MAU2: variants seen among roughly 807,000 people sequenced by gnomAD.
The protein encoded by MAU2 is MAU2 sister chromatid cohesion factor, also known as MAU2 chromatid cohesion factor homolog.
A neutral mutation model predicts 89.1 loss-of-function variants in MAU2; 9 were observed. The observed-to-expected ratio is 0.10, with a 90% CI of 0.06 to 0.18. The LOEUF is 0.18. MAU2 is among the 10% of genes least tolerant of loss of function. MAU2 has a pLI of 1.00. For synonymous variants in MAU2, 357 were observed against 343.4 expected, an observed-to-expected ratio of 1.04 and a Z score of -0.44; for missense variants, 425 against 803.5, an observed-to-expected ratio of 0.53 and a Z score of 5.69.
chr19:19,326,222 C>T (rs1391256010), intron 1 of MAU2, among the ~76,000 whole-genome samples: 1 of 152,020 alleles, frequency 6.6e-6, no homozygotes, highest in African/African-American at 2.4e-5. Context: ...TCGTCTACTT[C>T]ATCAAGTCAA....
At chr19:19,354,589 T>C in intron 17 of MAU2, 144 bp downstream of exon 17, 2 of 696,396 alleles carry the variant, frequency 2.9e-6, no homozygotes, top group Non-Finnish European at 5.0e-6. Context: ...TAGGGGGTGC[T>C]CCTCAGGAGA....
At position 19,320,894 on chromosome 19, in the gene MAU2, CGGCGGCCCAGGCTGCGCAGGCCGA is replaced by C; in HGVS notation, c.43_66del (p.Gln15_Ala22del). 6.7e-7 allele frequency: 1 copy of C among 1,496,720 alleles called. No individual in the cohort carries two copies. The allele number at this position is 1,496,720 out of a possible 1,614,324, so 92.7% of individuals were successfully genotyped here. A position where few individuals can be genotyped will look rare whatever the true frequency, so the allele number is the denominator to read the frequency against. ...CAGGCGGCGGCAGCGGCCCAGGCGGCGGCGGCCCAGGCTGCGCAGGCCGAGGCGGCCGACTCGTGGTACCTGGCG... is the reference window on the plus strand; with the variant it reads ...CAGGCGGCGGCAGCGGCCCAGGCGGCGGCGGCCGACTCGTGGTACCTGGCG... On this transcript the variant is annotated inframe_deletion, in exon 1 of 19. Transcript: ENST00000262815.
At chr19:19,330,055 C>T (rs67720221) in intron 1 of MAU2, among the ~76,000 whole-genome samples, 87,280 of 151,460 alleles carry the variant, frequency 0.58, 26,529 homozygotes, top group East Asian at 0.7. Flanking sequence ...TCTTAGCTCC[C>T]TGCCACTTCT....
intron 1 of MAU2, among the ~76,000 whole-genome samples, chr19:19,332,195 C>T (rs918497136): frequency 3.9e-5 from 6 of 152,144 alleles, no homozygotes; most frequent in Non-Finnish European, 8.8e-5. Context: ...GGGTCTTGCC[C>T]TGTTGCCCAG....
intron 6 of MAU2, among the ~76,000 whole-genome samples, 172 bp from the exon 7 acceptor site, chr19:19,341,080 T>C (rs1041782938): frequency 1.3e-5 from 2 of 152,196 alleles, no homozygotes; most frequent in African/African-American, 4.8e-5. Flanking sequence ...ATGGGATTCA[T>C]GCTGAGGCAA....
chr19:19,332,234 C>T lies in MAU2; in HGVS notation c.277-3484C>T, dbSNP rs766417282. ...GGAGTGCAACAGCACAATCATAGCT[C>T]ACTGCAGCCCCAAACTCCTGGGCTC... On this transcript the variant is annotated intron_variant, in intron 1 of 18. Coordinates refer to ENST00000262815, the MANE Select transcript of MAU2 (RefSeq NM_015329.4). Among the ~76,000 whole-genome samples the T allele has an allele frequency of 1.8e-4, 27 of 151,726 alleles. 1 individual carries two copies. Among genetic ancestry groups the T allele is most frequent in the Admixed American group, 5.9e-4 (9 of 15,226 alleles).
At chr19:19,325,086 C>A (rs904193996) in intron 1 of MAU2, among the ~76,000 whole-genome samples, 1 of 152,108 alleles carries the variant, frequency 6.6e-6, no homozygotes, top group Non-Finnish European at 1.5e-5. Context: ...GAGAGCCAAC[C>A]CAGTGTAACA....
chr19:19,334,459 C>T (rs2061580522), intron 1 of MAU2: 1 of 985,644 alleles, frequency 1.0e-6, no homozygotes, highest in Non-Finnish European at 1.2e-6. Flanking sequence ...ACATTCCCAG[C>T]TGCTGCTCAC....
At chr19:19,338,700 A>C (rs1201745285) in intron 4 of MAU2, 145 bp from the exon 5 acceptor site, 1 of 609,416 alleles carries the variant, frequency 1.6e-6, no homozygotes, top group Non-Finnish European at 3.0e-6. Flanking sequence ...TTGATAAGAT[A>C]ATTTGGTTAA....
At chr19:19,334,079 G>A (rs932695020) in intron 1 of MAU2, 3 of 753,544 alleles carry the variant, frequency 4.0e-6, no homozygotes, top group Admixed American at 6.3e-5. Context: ...TGTTAGACCC[G>A]GCTTCTCAGT....
At chr19:19,341,231 C>G in intron 6 of MAU2, 21 bp from the exon 7 acceptor site, 1 of 1,606,412 alleles carries the variant, frequency 6.2e-7, no homozygotes, top group African/African-American at 1.3e-5. Flanking sequence ...GTACCCTACA[C>G]CTGCGCCTCT....
intron 1 of MAU2, among the ~76,000 whole-genome samples, chr19:19,332,426 T>A (rs2061563487): frequency 6.6e-6 from 1 of 151,622 alleles, no homozygotes; most frequent in Non-Finnish European, 1.5e-5. Context: ...GTCCTCTGTT[T>A]GTATGTATTT....
chr19:19,338,686 A>C (rs538111144), intron 4 of MAU2, among the ~76,000 whole-genome samples, 159 bp from the exon 5 acceptor site: 2 of 152,262 alleles, frequency 1.3e-5, no homozygotes, highest in Non-Finnish European at 1.5e-5. Flanking sequence ...CAAAGCAATT[A>C]GCGTTGATAA....
intron 7 of MAU2, 101 bp from the exon 8 acceptor site, chr19:19,342,434 A>G: frequency 7.2e-7 from 1 of 1,395,030 alleles, no homozygotes; most frequent in Non-Finnish European, 9.5e-7. Flanking sequence ...CAGAAGGGGA[A>G]GGCAGATGCT....
intron 1 of MAU2, among the ~76,000 whole-genome samples, chr19:19,334,785 C>T (rs962021247): frequency 6.6e-6 from 1 of 152,202 alleles, no homozygotes; most frequent in Non-Finnish European, 1.5e-5. Flanking sequence ...CCTCCTGCTC[C>T]CCCTTTTCCT....
intron 10 of MAU2, 103 bp from the exon 11 acceptor site, chr19:19,344,746 C>T: frequency 1.1e-6 from 1 of 913,644 alleles, no homozygotes; most frequent in South Asian, 1.4e-5. Context: ...TTTGGTCAGA[C>T]AGGACATGGG....
chr19:19,347,545 C>T (rs539186697), intron 13 of MAU2, 179 bp downstream of exon 13: 66 of 573,066 alleles, frequency 1.2e-4, no homozygotes, highest in East Asian at 5.3e-4. Context: ...GGGCTATGGC[C>T]GGGGGAGGCC....
intron 1 of MAU2, among the ~76,000 whole-genome samples, chr19:19,326,701 T>TATATAC (rs2061508230): frequency 2.4e-5 from 1 of 42,062 alleles, no homozygotes; most frequent in African/African-American, 5.4e-5. Flanking sequence ...AATATATATA[T>TATATAC]GTATATATAT....
Position 19,336,175 on chromosome 19 carries a change from G to A in MAU2, c.348G>A (p.Leu116=), listed in dbSNP as rs753008629. Residue 116 remains leucine (L), a synonymous_variant, in exon 3 of 19, where the codon TTG becomes TTA. Transcript: ENST00000262815. ...KFEAASLLSE[L]YCQENSVDAA... is the part of the protein sequence containing the mutation. Reference sequence around the variant, plus strand: ...AAGCAGCAAGTCTGTTGTCTGAATTGTACTGTCAAGAGGTAAGAACATATT... The same window carrying A: ...AAGCAGCAAGTCTGTTGTCTGAATTATACTGTCAAGAGGTAAGAACATATT... 4.3e-6 allele frequency: 7 copies of A among 1,612,382 alleles called. No individual in the cohort carries two copies. In the South Asian group the frequency reaches 6.6e-5, roughly 15 times the overall value.
Sources: gnomAD v4.1 joint callset for allele counts (sites outside exome capture counted in the v4.1 genomes callset) on GRCh38, gnomAD v4.1.1 for gene constraint, MANE v1.5 for transcripts, NCBI Gene and HGNC (gene_info 2026-07-23, HGNC 2026-07-21) for gene names.